The following DYNC2H1 variants were observed in gnomAD, a reference collection of about 807,000 sequenced individuals.
DYNC2H1 encodes dynein cytoplasmic 2 heavy chain 1.
In DYNC2H1, 410 loss-of-function variants were observed where a neutral mutation model predicts 570.0. The ratio of observed to expected loss-of-function variants is 0.72; its 90% CI spans 0.66 to 0.78. The LOEUF (loss-of-function observed/expected upper bound fraction) is 0.78. DYNC2H1 is among the 30% of genes least tolerant of loss of function. The pLI is 0.00. For missense variants in DYNC2H1, 4,865 were observed against 5,046.4 expected, an observed-to-expected ratio of 0.96 and a Z score of 1.09; for synonymous variants, 1,688 against 1,677.6, an observed-to-expected ratio of 1.01 and a Z score of -0.15.
At chr11:103,388,720 AT>A (rs1264278824) in intron 83 of DYNC2H1, among the ~76,000 whole-genome samples, 1 of 152,116 alleles carries the variant, frequency 6.6e-6, no homozygotes, top group Admixed American at 6.6e-5. Flanking sequence ...AGGTTGTTGA[AT>A]TTTGTCAAAG....
rs371419545 is a variant in DYNC2H1 at position 103,257,769 on chromosome 11, C to G, written c.10605+18C>G. On this transcript the variant is annotated intron_variant, in intron 69 of 88. Coordinates refer to ENST00000375735, the MANE Select transcript of DYNC2H1 (RefSeq NM_001377.3). ...ACAAACAGGTAAGCTGTTGGATACC[C>G]TGTACCAGAGACTGAATTACAGGGA... 1.4e-4 allele frequency: 216 copies of G among 1,548,300 alleles called. No individual in the cohort carries two copies. The highest frequency in any genetic ancestry group is 1.7e-4 in the Non-Finnish European group (198 of 1,145,318).
intron 12 of DYNC2H1, among the ~76,000 whole-genome samples, chr11:103,126,641 T>G (rs1391434774): frequency 2.6e-5 from 4 of 151,128 alleles, no homozygotes; most frequent in African/African-American, 4.9e-5. Context: ...CTCATATTTT[T>G]TTTTTTTTTT....
At chr11:103,388,786 T>A (rs1942004025) in intron 83 of DYNC2H1, among the ~76,000 whole-genome samples, 3 of 152,208 alleles carry the variant, frequency 2.0e-5, no homozygotes, top group Admixed American at 6.5e-5. Flanking sequence ...ATTGGTTCTG[T>A]TTATATGCTG....
At chr11:103,323,535 C>T (rs1938321841) in intron 81 of DYNC2H1, among the ~76,000 whole-genome samples, 1 of 151,714 alleles carries the variant, frequency 6.6e-6, no homozygotes, top group Non-Finnish European at 1.5e-5. Context: ...GCAGATTGGT[C>T]TTTGGTAAGT....
At chr11:103,263,255 T>A (rs12280750) in intron 70 of DYNC2H1, among the ~76,000 whole-genome samples, 28,511 of 151,832 alleles carry the variant, frequency 0.19, 3,571 homozygotes, top group African/African-American at 0.36. Flanking sequence ...TGTAGTAATA[T>A]TGAGAGAGTT....
At chr11:103,344,905 C>G (rs748606100) in intron 82 of DYNC2H1, among the ~76,000 whole-genome samples, 1 of 152,206 alleles carries the variant, frequency 6.6e-6, no homozygotes, top group Middle Eastern at 3.4e-3. Flanking sequence ...TAACTTGCAT[C>G]GACTTATGTG....
intron 85 of DYNC2H1, among the ~76,000 whole-genome samples, chr11:103,442,624 A>G (rs12420219): frequency 0.15 from 23,313 of 152,032 alleles, 1,997 homozygotes; most frequent in East Asian, 0.26. Context: ...AAAACATGCT[A>G]TTTGTACTGC....
At chr11:103,477,804 C>T (rs1013232572) in intron 88 of DYNC2H1, among the ~76,000 whole-genome samples, 5 of 119,762 alleles carry the variant, frequency 4.2e-5, no homozygotes, top group Admixed American at 2.4e-4. Flanking sequence ...GCACTCCAGC[C>T]GGGGCGACAG....
Position 103,313,490 on chromosome 11 carries a change from T to A in DYNC2H1, c.11649+1457T>A, listed in dbSNP as rs1378566954. Among the ~76,000 whole-genome samples the A allele has an allele frequency of 2.0e-5, 3 of 152,114 alleles. No individual in the cohort carries two copies. The East Asian group carries it at 5.8e-4, about 29-fold the overall frequency. Reference sequence around the variant, plus strand: ...CTTGGTCCACTTCTGTTGAGGAAAATCTCTCCTCAAACTTTCCCCCTCATG... The same window carrying A: ...CTTGGTCCACTTCTGTTGAGGAAAAACTCTCCTCAAACTTTCCCCCTCATG... On this transcript the variant is annotated intron_variant, in intron 79 of 88. Transcript: ENST00000375735.
chr11:103,244,897 A>G lies in DYNC2H1; in HGVS notation c.9919-354A>G, dbSNP rs1864553957. The stretch of plus-strand genomic sequence containing the variant: ...ACACACACATACCACACATACACAC[A>G]CACATACACACGCCTGGGGTGATGT... On this transcript the variant is annotated intron_variant, in intron 64 of 88. Transcript: ENST00000375735. The surrounding 1 kb of genome is among the most constrained non-coding windows in gnomAD (Gnocchi z 4.3). 6.6e-6 allele frequency among the ~76,000 whole-genome samples: 1 copy of G among 151,280 alleles called. No homozygotes were observed. Among genetic ancestry groups the G allele is most frequent in the Admixed American group, 6.6e-5 (1 of 15,122 alleles).
At chr11:103,406,121 T>A (rs1205945017) in intron 84 of DYNC2H1, 1 of 152,052 alleles carries the variant, frequency 6.6e-6, no homozygotes, top group Non-Finnish European at 1.5e-5. Context: ...TGATGCAGAA[T>A]AGTCTTGCAG....
Position 103,147,820 on chromosome 11 carries a change from T to G in DYNC2H1, c.2751T>G (p.Thr917=). ...ATATTAATTGCAACCCTGTGAAGAC[T>G]GTGATTGATGATCTCATCCAGAAGT... is the stretch of plus-strand genomic sequence containing the variant. ...CLNINCNPVK[T]VIDDLIQKLF... The change falls in exon 19 of 89, where the codon ACT becomes ACG. Residue 917 remains threonine, a synonymous_variant. Transcript: ENST00000375735. The G allele has an allele frequency of 6.2e-7, 1 of 1,612,156 alleles. No homozygotes were observed. Among genetic ancestry groups the G allele is most frequent in the Non-Finnish European group, 8.5e-7 (1 of 1,179,244 alleles).
chr11:103,469,661 G>A (rs892161924), intron 88 of DYNC2H1, among the ~76,000 whole-genome samples: 1 of 152,146 alleles, frequency 6.6e-6, no homozygotes, highest in Non-Finnish European at 1.5e-5. Flanking sequence ...ATATGTTTCT[G>A]TCAAAATTCC....
In DYNC2H1 at chr11:103,161,859, C is replaced by T. The variant is rs1408816936; in HGVS notation, c.4491+815C>T. On this transcript the variant is annotated intron_variant, in intron 29 of 88. Transcript: ENST00000375735. The stretch of plus-strand genomic sequence containing the variant: ...AACTAACTAGCAATAGATTGCATCA[C>T]ATGGAATTGTAACTTTTCAATTTCA... 2.6e-5 allele frequency among the ~76,000 whole-genome samples: 4 copies of T among 152,196 alleles called. No homozygotes were observed. In the East Asian group the frequency reaches 7.7e-4, roughly 29 times the overall value.
chr11:103,215,765 A>G lies in DYNC2H1; in HGVS notation c.8739A>G (p.Glu2913=). 1.2e-6 allele frequency: 2 copies of G among 1,611,774 alleles called. No homozygotes were observed. The highest frequency in any genetic ancestry group is 1.7e-6 in the Non-Finnish European group (2 of 1,178,782). ...ATGAAGCTAAAGCTCTTGTGGATGAACTGAACAGAAAAGCTGGAGAACAAA... is the reference window on the plus strand; with the variant it reads ...ATGAAGCTAAAGCTCTTGTGGATGAGCTGAACAGAAAAGCTGGAGAACAAA... The part of the protein sequence containing the change: ...KLNEAKALVD[E]LNRKAGEQSV... Residue 2913 remains glutamate (E), a synonymous_variant, in exon 55 of 89, where the codon GAA becomes GAG. Transcript: ENST00000375735.
At chr11:103,450,885 A>G (rs1242783279) in intron 85 of DYNC2H1, among the ~76,000 whole-genome samples, 1 of 152,052 alleles carries the variant, frequency 6.6e-6, no homozygotes, top group African/African-American at 2.4e-5. Context: ...TTTTCCCCAT[A>G]TTTTTCTATG....
intron 82 of DYNC2H1, among the ~76,000 whole-genome samples, chr11:103,329,534 A>G (rs188026644): frequency 6.6e-6 from 1 of 152,320 alleles, no homozygotes; most frequent in Non-Finnish European, 1.5e-5. Flanking sequence ...GTCTCTGCCA[A>G]TAAAAGTTAA....
Position 103,209,994 on chromosome 11 carries a change from T to A in DYNC2H1, c.8539+34T>A. On this transcript the variant is annotated intron_variant, in intron 53 of 88. Coordinates refer to ENST00000375735, the MANE Select transcript of DYNC2H1 (RefSeq NM_001377.3). This position sits in a 1 kb window ranked among gnomAD's most constrained non-coding sequence, Gnocchi z 4.2. ...TTGATAAAATCAGTTTGATCTGGTTTTTATTTATGAAATAATTGCCGTTTT... is the reference window on the plus strand; with the variant it reads ...TTGATAAAATCAGTTTGATCTGGTTATTATTTATGAAATAATTGCCGTTTT... The A allele has an allele frequency of 7.0e-7, 1 of 1,420,806 alleles. No homozygotes were observed. Among genetic ancestry groups the A allele is most frequent in the Non-Finnish European group, 9.2e-7 (1 of 1,085,534 alleles). 88.0% of individuals were successfully genotyped at this position (1,420,806 alleles called of 1,614,324 possible). A position where few individuals can be genotyped will look rare whatever the true frequency, so the allele number is the denominator to read the frequency against.
chr11:103,364,413 A>T (rs1940796619), intron 83 of DYNC2H1, among the ~76,000 whole-genome samples: 1 of 151,994 alleles, frequency 6.6e-6, no homozygotes. Context: ...CATTTTTATG[A>T]TGGCTGCTTT....
Sources: gnomAD v4.1 joint callset for allele counts (sites outside exome capture counted in the v4.1 genomes callset) on GRCh38, gnomAD v4.1.1 for gene constraint, Gnocchi (gnomAD v3.1) non-coding constraint, MANE v1.5 for transcripts, NCBI Gene and HGNC (gene_info 2026-07-23, HGNC 2026-07-21) for gene names.